OR52H1: variants seen among roughly 807,000 people sequenced by gnomAD.
OR52H1 encodes olfactory receptor 52H1.
For missense variants in OR52H1, 383 were observed against 396.4 expected, an observed-to-expected ratio of 0.97 and a Z score of 0.29; for synonymous variants, 148 against 138.6, an observed-to-expected ratio of 1.07 and a Z score of -0.48.
At position 5,545,136 on chromosome 11, in the gene OR52H1, G is replaced by C. The variant is rs567038162; in HGVS notation, c.370C>G (p.His124Asp). ...SAILMAMAFD[H>D]YVAICSPLRY... The stretch of plus-strand genomic sequence containing the variant: ...AAGGGAGAACAGATAGCTACATAGT[G>C]ATCAAATGCCATGGCCATCAGAATG... Residue 124 changes from histidine (H) to aspartate (D), a missense_variant, in exon 2 of 2, where the codon CAC becomes GAC. Transcript: ENST00000322653. 1 of 1,614,010 alleles carries C rather than the reference G, an allele frequency of 6.2e-7. No homozygotes were observed. Among genetic ancestry groups the C allele is most frequent in the East Asian group, 2.2e-5 (1 of 44,882 alleles).
At position 5,545,313 on chromosome 11, in the gene OR52H1, G is replaced by A. The variant is rs757568545; in HGVS notation, c.193C>T (p.Leu65Phe). The A allele has an allele frequency of 2.5e-6, 4 of 1,614,020 alleles. No homozygotes were observed. The highest frequency in any genetic ancestry group is 3.4e-6 in the Non-Finnish European group (4 of 1,180,042). ...HSLHEPMFFF[L>F]SMLAMTDLIL... ...AGGTCAGTCATGGCCAGCATGGAGA[G>A]AAAGAAGAACATGGGTTCATGAAGA... is the stretch of plus-strand genomic sequence containing the variant. Residue 65 changes from leucine (L) to phenylalanine (F), a missense_variant, in exon 2 of 2, where the codon CTC (leucine) becomes TTC (phenylalanine). Coordinates refer to ENST00000322653, the MANE Select transcript of OR52H1 (RefSeq NM_001005289.5).
chr11:5,546,398 C>A (rs1019020918), intron 1 of OR52H1, among the ~76,000 whole-genome samples: 5 of 152,172 alleles, frequency 3.3e-5, no homozygotes, highest in Non-Finnish European at 5.9e-5. Context: ...TCAGGCATAT[C>A]CAGACCTACA....
intron 1 of OR52H1, among the ~76,000 whole-genome samples, chr11:5,547,499 C>T (rs1451357519): frequency 1.3e-5 from 2 of 152,144 alleles, no homozygotes; most frequent in East Asian, 3.8e-4. Context: ...CTAGGTTTCA[C>T]AATTTAATCC....
chr11:5,547,642 T>A (rs2436705), intron 1 of OR52H1, among the ~76,000 whole-genome samples: 1 of 151,240 alleles, frequency 6.6e-6, no homozygotes, highest in Non-Finnish European at 1.5e-5. Context: ...ATGATACACA[T>A]TGAAAAAAGA....
chr11:5,548,071 G>A (rs1292520489), intron 1 of OR52H1, among the ~76,000 whole-genome samples: 1 of 152,162 alleles, frequency 6.6e-6, no homozygotes, highest in Non-Finnish European at 1.5e-5. Flanking sequence ...GTGGAAAAGA[G>A]AACAGAAATT....
At chr11:5,546,452 C>A (rs1473625048) in intron 1 of OR52H1, among the ~76,000 whole-genome samples, 15 of 152,210 alleles carry the variant, frequency 9.9e-5, no homozygotes. Context: ...TTTACCCATA[C>A]ATAATCTTAC....
chr11:5,545,004 G>C lies in OR52H1; in HGVS notation c.502C>G (p.Leu168Val). 6.2e-7 allele frequency: 1 copy of C among 1,614,184 alleles called. No homozygotes were observed. The highest frequency in any genetic ancestry group is 8.5e-7 in the Non-Finnish European group (1 of 1,180,034). ...ILPDVFLLTC[L>V]PFCRTRIIPH... Reference sequence around the variant, plus strand: ...ATGATGCGTGTCCTGCAGAAAGGCAGGCATGTCAGCAAGAATACATCTGGC... The same window carrying C: ...ATGATGCGTGTCCTGCAGAAAGGCACGCATGTCAGCAAGAATACATCTGGC... Residue 168 changes from leucine (L) to valine (V), a missense_variant, in exon 2 of 2, where the codon CTG (leucine) becomes GTG (valine). By Grantham distance (32) the Leu-to-Val change is conservative. Coordinates refer to ENST00000322653, the MANE Select transcript of OR52H1 (RefSeq NM_001005289.5).
intron 1 of OR52H1, among the ~76,000 whole-genome samples, chr11:5,547,444 T>A (rs771239581): frequency 1.3e-5 from 2 of 152,152 alleles, no homozygotes; most frequent in Admixed American, 6.5e-5. Flanking sequence ...CACAGTATGT[T>A]AGCAAAATAT....
At chr11:5,546,717 A>G (rs1272440217) in intron 1 of OR52H1, among the ~76,000 whole-genome samples, 1 of 152,188 alleles carries the variant, frequency 6.6e-6, no homozygotes, top group African/African-American at 2.4e-5. Flanking sequence ...CATGAACTCA[A>G]ATACAACAGA....
Position 5,544,983 on chromosome 11 carries a change from T to C in OR52H1, c.523A>G (p.Ile175Val), listed in dbSNP as rs764524707. ...LTCLPFCRTR[I>V]IPHTYCEHIG... ...TGCTCACAGTATGTGTGGGGTATGA[T>C]GCGTGTCCTGCAGAAAGGCAGGCAT... The change falls in exon 2 of 2, where the codon ATC becomes GTC. Residue 175 changes from isoleucine to valine, a missense_variant. By Grantham distance (29) the Ile-to-Val change is conservative. Transcript: ENST00000322653. 4.0e-5 allele frequency: 64 copies of C among 1,614,042 alleles called. 3 individuals carry two copies. The South Asian group carries it at 6.8e-4, about 17-fold the overall frequency.
chr11:5,548,124 C>T (rs1480864672), intron 1 of OR52H1, among the ~76,000 whole-genome samples: 1 of 152,196 alleles, frequency 6.6e-6, no homozygotes, highest in East Asian at 1.9e-4. Flanking sequence ...TGGGCATACA[C>T]ACATACCAGC....
At position 5,545,239 on chromosome 11, in the gene OR52H1, T is replaced by C. The variant is rs766277503; in HGVS notation, c.267A>G (p.Leu89=). ...GVPKALSIFW[L]GAREITFPGC... is the part of the protein sequence containing the mutation. The stretch of plus-strand genomic sequence containing the variant: ...CTGGGAATGTGATTTCGCGAGCCCC[T>C]AGCCAAAAGATACTGAGTGCTTTAG... Residue 89 remains leucine, a synonymous_variant, in exon 2 of 2, where the codon CTA becomes CTG. Coordinates refer to ENST00000322653, the MANE Select transcript of OR52H1 (RefSeq NM_001005289.5). 9.3e-6 allele frequency: 15 copies of C among 1,614,044 alleles called. No homozygotes were observed. The highest frequency in any genetic ancestry group is 1.0e-5 in the Non-Finnish European group (12 of 1,180,020).
chr11:5,547,300 T>C (rs556679912), intron 1 of OR52H1, among the ~76,000 whole-genome samples: 33 of 152,342 alleles, frequency 2.2e-4, no homozygotes, highest in African/African-American at 7.7e-4. Flanking sequence ...AAACCAGGTA[T>C]TGAATTCAAT....
In OR52H1 at chr11:5,544,668, T is replaced by G. The variant is rs765486178; in HGVS notation, c.838A>C (p.Asn280His). 3 of 1,613,860 alleles carry G rather than the reference T, an allele frequency of 1.9e-6. No homozygotes were observed. In the East Asian group the frequency reaches 6.7e-5, roughly 36 times the overall value. The change falls in exon 2 of 2, where the codon AAT (asparagine) becomes CAT (histidine). Residue 280 changes from asparagine (N) to histidine (H), a missense_variant. Coordinates refer to ENST00000322653, the MANE Select transcript of OR52H1 (RefSeq NM_001005289.5). ...GCAGGTGGGATAACAATGTAGAGAT[T>G]GGCAAACATGATGTGGAAGGTGCGA... ...VSRTFHIMFANLYIVIPPALN... is the reference protein window; with the variant it reads ...VSRTFHIMFAHLYIVIPPALN...
intron 1 of OR52H1, 40 bp from the exon 2 acceptor site, chr11:5,545,575 A>C: frequency 6.6e-7 from 1 of 1,525,186 alleles, no homozygotes; most frequent in South Asian, 1.3e-5. Flanking sequence ...AAACTTGAGT[A>C]ACTCTCAAAC....
chr11:5,547,746 A>C (rs998504729), intron 1 of OR52H1, among the ~76,000 whole-genome samples: 3 of 152,028 alleles, frequency 2.0e-5, no homozygotes, highest in African/African-American at 7.2e-5. Flanking sequence ...CCATGGTTCA[A>C]GTGATTCTCC....
chr11:5,545,372 C>T lies in OR52H1; in HGVS notation c.134G>A (p.Cys45Tyr), dbSNP rs767477873. The change falls in exon 2 of 2, where the codon TGC (cysteine) becomes TAC (tyrosine). Residue 45 changes from cysteine (C) to tyrosine (Y), a missense_variant. By Grantham distance (194) the Cys-to-Tyr change is radical. Transcript: ENST00000322653. ...CACCACAATGAGGTAGAGAAGGATG[C>T]AGTTTCCCACAACAGCTACAATGTA... Reference protein sequence around the residue: ...IIYIVAVVGNCILLYLIVVEH... With the variant: ...IIYIVAVVGNYILLYLIVVEH... 6.2e-7 allele frequency: 1 copy of T among 1,614,008 alleles called. No individual in the cohort carries two copies. The highest frequency in any genetic ancestry group is 8.5e-7 in the Non-Finnish European group (1 of 1,180,010).
chr11:5,546,168 T>A (rs55877797), intron 1 of OR52H1, among the ~76,000 whole-genome samples: 1,636 of 128,892 alleles, frequency 0.013, 10 homozygotes, highest in Non-Finnish European at 0.02. Flanking sequence ...TGAGGTTCAC[T>A]AGCCTTTCTC....
intron 1 of OR52H1, among the ~76,000 whole-genome samples, chr11:5,546,181 C>A (rs117304359): frequency 4.5e-4 from 65 of 145,468 alleles, no homozygotes; most frequent in East Asian, 2.1e-3. Flanking sequence ...CCTTTCTCCT[C>A]AAAAAAAAAA....
Sources: gnomAD v4.1 joint callset for allele counts (sites outside exome capture counted in the v4.1 genomes callset) on GRCh38, gnomAD v4.1.1 for gene constraint, MANE v1.5 for transcripts, NCBI Gene and HGNC (gene_info 2026-07-23, HGNC 2026-07-21) for gene names.